The following UNC13C variants were observed in gnomAD, a reference collection of about 807,000 sequenced individuals.
The protein encoded by UNC13C is protein unc-13 homolog C.
A neutral mutation model predicts 245.4 loss-of-function variants in UNC13C; 174 were observed. That is an observed-to-expected ratio of 0.71 (90% CI 0.63 to 0.80). UNC13C has a LOEUF of 0.80. Among genes scored for constraint, UNC13C ranks in the 30% least tolerant of loss-of-function variants. The pLI, the probability that UNC13C is intolerant of heterozygous loss-of-function variation, is 0.00. For missense variants in UNC13C, 2,829 were observed against 2,602.9 expected, an observed-to-expected ratio of 1.09 and a Z score of -1.89; for synonymous variants, 992 against 895.1, an observed-to-expected ratio of 1.11 and a Z score of -1.93.
chr15:54,358,701 A>C (rs1218932124), intron 17 of UNC13C, among the ~76,000 whole-genome samples: 2 of 151,936 alleles, frequency 1.3e-5, no homozygotes, highest in Non-Finnish European at 1.5e-5. Context: ...TACTGGTTCC[A>C]ATATTATTTT....
chr15:54,432,379 A>G (rs1195618580), intron 19 of UNC13C, among the ~76,000 whole-genome samples: 1 of 151,722 alleles, frequency 6.6e-6, no homozygotes, highest in African/African-American at 2.4e-5. Flanking sequence ...AGATTTCACA[A>G]ACAAGCAGGA....
chr15:54,413,555 T>C (rs2040456016), intron 18 of UNC13C, among the ~76,000 whole-genome samples: 1 of 152,182 alleles, frequency 6.6e-6, no homozygotes, highest in African/African-American at 2.4e-5. Context: ...ATTCAGATTG[T>C]ATTAAATTTT....
chr15:54,465,813 A>C (rs1332862228), intron 19 of UNC13C, among the ~76,000 whole-genome samples: 2 of 152,042 alleles, frequency 1.3e-5, no homozygotes, highest in East Asian at 3.8e-4. Context: ...TTAAGACTAC[A>C]TAAGAAGCAA....
In UNC13C at chr15:54,596,072, G is replaced by A. The variant is rs953013772; in HGVS notation, c.6107-26255G>A. Reference sequence around the variant, plus strand: ...TTTGAATGTTTTAACGAAGCTTATTGGTATTTTTGGTCCAAAACCCAGCAT... The same window carrying A: ...TTTGAATGTTTTAACGAAGCTTATTAGTATTTTTGGTCCAAAACCCAGCAT... On this transcript the variant is annotated intron_variant, in intron 30 of 32. Transcript: ENST00000260323. Among the ~76,000 whole-genome samples, 98 of 152,216 alleles carry A rather than the reference G, an allele frequency of 6.4e-4. 1 individual carries two copies. The highest frequency in any genetic ancestry group is 2.3e-3 in the African/African-American group (95 of 41,540).
At chr15:54,522,485 A>G (rs983529610) in intron 24 of UNC13C, among the ~76,000 whole-genome samples, 1 of 149,428 alleles carries the variant, frequency 6.7e-6, no homozygotes. Context: ...CTCAAAAACA[A>G]AACAAAACAA....
intron 30 of UNC13C, among the ~76,000 whole-genome samples, chr15:54,620,887 T>G (rs1402038977): frequency 6.6e-6 from 1 of 152,138 alleles, no homozygotes; most frequent in South Asian, 2.1e-4. Flanking sequence ...CATGACTTCT[T>G]TCTCCTGGTG....
chr15:54,362,390 C>G (rs575472381), intron 17 of UNC13C, among the ~76,000 whole-genome samples: 1 of 152,316 alleles, frequency 6.6e-6, no homozygotes, highest in South Asian at 2.1e-4. Flanking sequence ...ACTAAAATGA[C>G]TATTTCTCCT....
chr15:54,220,433 C>G (rs936712703), intron 4 of UNC13C, among the ~76,000 whole-genome samples: 5 of 111,660 alleles, frequency 4.5e-5, no homozygotes, highest in African/African-American at 1.8e-4. Context: ...ACATCACACT[C>G]TGGGGACTGT....
At chr15:54,329,891 A>T (rs886786051) in intron 14 of UNC13C, among the ~76,000 whole-genome samples, 1 of 152,048 alleles carries the variant, frequency 6.6e-6, no homozygotes. Flanking sequence ...ACAGAAACTC[A>T]TGAAATACAT....
In UNC13C at chr15:54,500,797, T is replaced by C. The variant is rs531332496; in HGVS notation, c.5158-38T>C. 1.6e-5 allele frequency: 26 copies of C among 1,598,510 alleles called. No homozygotes were observed. In the South Asian group the frequency reaches 2.2e-4, roughly 14 times the overall value. On this transcript the variant is annotated intron_variant, in intron 21 of 32. Coordinates refer to ENST00000260323, the MANE Select transcript of UNC13C (RefSeq NM_001080534.3). ...GAAGATTTTTCCATTCCGCCTCTAA[T>C]GTACTGTTTGGGATGGTTTCACCTC...
intron 4 of UNC13C, among the ~76,000 whole-genome samples, chr15:54,172,472 T>C (rs2141286216): frequency 6.6e-6 from 1 of 151,716 alleles, no homozygotes; most frequent in South Asian, 2.1e-4. Flanking sequence ...CTCTAGCTCC[T>C]TTAGCTCAGC....
chr15:53,980,276 C>T (rs1893875211), intron 1 of UNC13C, among the ~76,000 whole-genome samples: 1 of 152,162 alleles, frequency 6.6e-6, no homozygotes. Context: ...CCACGCATGA[C>T]TATAACAACA....
At chr15:54,267,610 T>A (rs1258891188) in intron 10 of UNC13C, among the ~76,000 whole-genome samples, 1 of 152,090 alleles carries the variant, frequency 6.6e-6, no homozygotes, top group Non-Finnish European at 1.5e-5. Context: ...TTTTTTGCTT[T>A]TTCAATAACA....
chr15:54,038,124 A>ATATTTTTTTTTTTTTTTTTTTT, intron 2 of UNC13C, among the ~76,000 whole-genome samples: 6 of 45,036 alleles, frequency 1.3e-4, no homozygotes, highest in Admixed American at 5.0e-4. Flanking sequence ...ATATATATAT[A>ATATTTTTTTTTTTTTTTTTTTT]TTTTTTTTTT....
At position 54,388,491 on chromosome 15, in the gene UNC13C, C is replaced by T. The variant is rs182468096; in HGVS notation, c.4714-4557C>T. ...CAATTTCAAACTTTTACTACCCCACCAGTACACTGTGCACCACCTCTTCTC... is the reference window on the plus strand; with the variant it reads ...CAATTTCAAACTTTTACTACCCCACTAGTACACTGTGCACCACCTCTTCTC... On this transcript the variant is annotated intron_variant, in intron 17 of 32. Transcript: ENST00000260323. Among the ~76,000 whole-genome samples, 843 of 152,278 alleles carry T rather than the reference C, an allele frequency of 5.5e-3. 6 individuals are homozygous for T. Among genetic ancestry groups the T allele is most frequent in the Non-Finnish European group, 9.2e-3 (629 of 68,022 alleles).
At chr15:54,624,575 A>C (rs1484038563) in intron 32 of UNC13C, among the ~76,000 whole-genome samples, 1 of 152,154 alleles carries the variant, frequency 6.6e-6, no homozygotes, top group Non-Finnish European at 1.5e-5. Context: ...TTTTCAAATG[A>C]ACAGATGAGA....
chr15:54,048,553 T>C, intron 2 of UNC13C: 1 of 496,946 alleles, frequency 2.0e-6, no homozygotes, highest in Non-Finnish European at 3.9e-6. Flanking sequence ...AATGGAAGAC[T>C]TTTTATAGAA....
At chr15:54,110,366 T>C (rs1567021423) in intron 2 of UNC13C, among the ~76,000 whole-genome samples, 1 of 152,138 alleles carries the variant, frequency 6.6e-6, no homozygotes, top group Non-Finnish European at 1.5e-5. Context: ...ACTTTTCAAA[T>C]ATTCTATACC....
chr15:54,390,543 G>T (rs1026145548), intron 17 of UNC13C, among the ~76,000 whole-genome samples: 1 of 151,710 alleles, frequency 6.6e-6, no homozygotes, highest in Admixed American at 6.6e-5. Flanking sequence ...CTATAATTAT[G>T]ATTGATTTAC....
Sources: gnomAD v4.1 joint callset for allele counts (sites outside exome capture counted in the v4.1 genomes callset) on GRCh38, gnomAD v4.1.1 for gene constraint, MANE v1.5 for transcripts, NCBI Gene and HGNC (gene_info 2026-07-23, HGNC 2026-07-21) for gene names.